Variants in SEMA4G observed in about 807,000 individuals in gnomAD.
The protein encoded by SEMA4G is semaphorin-4G.
Under a neutral mutation model 81.2 loss-of-function variants are expected in SEMA4G, and 59 were observed. That is an observed-to-expected ratio of 0.73 (90% CI 0.59 to 0.90). The LOEUF (loss-of-function observed/expected upper bound fraction) is 0.90. SEMA4G is among the 40% of genes least tolerant of loss of function. The pLI, the probability that SEMA4G is intolerant of heterozygous loss-of-function variation, is 0.00. For synonymous variants in SEMA4G, 404 were observed against 433.9 expected (o/e 0.93, Z 0.86); for missense variants, 952 against 1,102.3 (o/e 0.86, Z 1.93).
intron 3 of SEMA4G, among the ~76,000 whole-genome samples, chr10:100,976,318 A>G (rs945196022): frequency 6.6e-6 from 1 of 151,610 alleles, no homozygotes; most frequent in Admixed American, 6.6e-5. Flanking sequence ...AGCATGTGGG[A>G]CTCTATATTC....
intron 3 of SEMA4G, among the ~76,000 whole-genome samples, chr10:100,975,521 A>G (rs1850747881): frequency 6.6e-6 from 1 of 152,230 alleles, no homozygotes; most frequent in South Asian, 2.1e-4. Flanking sequence ...TGTGGTTTCC[A>G]AAGTTATTTG....
exon 1 of SEMA4G, chr10:100,972,884 G>A (rs746967585): frequency 1.9e-6 from 3 of 1,587,100 alleles, no homozygotes; most frequent in East Asian, 4.5e-5. Flanking sequence ...CCCTTTGGGG[G>A]TCTTGTTAGT....
intron 13 of SEMA4G, 197 bp downstream of exon 14, chr10:100,981,426 A>G (rs751694972): frequency 4.3e-6 from 7 of 1,614,008 alleles, no homozygotes; most frequent in African/African-American, 1.3e-5. Flanking sequence ...ACTAGGAAAC[A>G]TATTTAAGAT....
At chr10:100,970,129 C>T (rs568157745), upstream of SEMA4G, among the ~76,000 whole-genome samples, 81 of 152,222 alleles carry the variant, frequency 5.3e-4, no homozygotes, top group African/African-American at 1.9e-3. Flanking sequence ...GGTCTCTCCT[C>T]CCCAGTTCCC....
At chr10:100,976,671 A>G (rs1419318691) in intron 3 of SEMA4G, among the ~76,000 whole-genome samples, 1 of 152,194 alleles carries the variant, frequency 6.6e-6, no homozygotes, top group African/African-American at 2.4e-5. Context: ...GGAGAGTAGC[A>G]AAAGTGTGTT....
intron 3 of SEMA4G, chr10:100,975,041 A>G (rs553750174): frequency 1.9e-6 from 1 of 534,372 alleles, no homozygotes; most frequent in Admixed American, 1.9e-5. Flanking sequence ...AGGCATCTCC[A>G]AGAGCTTCCA....
exon 14 of SEMA4G, chr10:100,983,365 G>C (rs748889973): frequency 6.2e-7 from 1 of 1,605,768 alleles, no homozygotes; most frequent in Non-Finnish European, 8.5e-7. Flanking sequence ...CTCCTGCCCT[G>C]TGACCAGCCA....
chr10:100,980,836 G>A (rs766932360), exon 12 of SEMA4G: 1 of 1,579,746 alleles, frequency 6.3e-7, no homozygotes, highest in African/African-American at 1.4e-5. Context: ...GCCTCTATGT[G>A]GGGGCTCCTA....
chr10:100,979,906 T>C (rs150824972), exon 9 of SEMA4G: 21 of 1,613,996 alleles, frequency 1.3e-5, no homozygotes, highest in Non-Finnish European at 1.8e-5. Flanking sequence ...CCAGGCTGTC[T>C]TTGCAGGACC....
At chr10:100,969,936 C>A (rs546962715), upstream of SEMA4G, 874 of 453,282 alleles carry the variant, frequency 1.9e-3, 1 homozygote, top group Non-Finnish European at 3.3e-3. Flanking sequence ...TTAGACCTGA[C>A]GAAGGGAGAG....
rs1014839064 is a variant in SEMA4G at position 100,984,236 on chromosome 10, T to A, written c.*105T>A. On this transcript the variant is annotated 3_prime_UTR_variant, in exon 14 of 14. Coordinates refer to ENST00000370250, the Ensembl canonical transcript of SEMA4G. ...CCCTCCCTTCATTACCCCCACTCCA[T>A]ACCCTTCTCCCAACTTTTTGATGTC... 2.1e-6 allele frequency: 3 copies of A among 1,462,694 alleles called. No individual in the cohort carries two copies. The African/African-American group carries it at 4.3e-5, about 21-fold the overall frequency. 90.6% of individuals were successfully genotyped at this position (1,462,694 alleles called of 1,614,324 possible).
rs1423146487 is a variant in SEMA4G, at chr10:100,973,570, G to C, written c.297G>C (p.Glu99Asp). The change falls in exon 3 of 14, where the codon GAG becomes GAC. Residue 99 changes from glutamate to aspartate, a missense_variant. Around this residue, in one of 3 missense-constraint regions of SEMA4G, gnomAD observed 436 missense variants for 488.2 expected, o/e 0.89. Coordinates refer to ENST00000370250, the Ensembl canonical transcript of SEMA4G. This position sits in a 1 kb window ranked among gnomAD's most constrained non-coding sequence, Gnocchi z 5.5. ...AGATCCACTGGGAAGCCTCCCCAGAGATGCAAAGCAAATGTCATCAAAAAG... is the reference window on the plus strand; with the variant it reads ...AGATCCACTGGGAAGCCTCCCCAGACATGCAAAGCAAATGTCATCAAAAAG... 1.5e-5 allele frequency: 24 copies of C among 1,614,068 alleles called. No homozygotes were observed. The highest frequency in any genetic ancestry group is 1.9e-5 in the Non-Finnish European group (22 of 1,180,048).
At position 100,980,077 on chromosome 10, in the gene SEMA4G, AGGT is replaced by A. The variant is rs760670410; in HGVS notation, c.1129-39_1129-37del. 17 of 1,612,678 alleles carry A rather than the reference AGGT, an allele frequency of 1.1e-5. No homozygotes were observed. The African/African-American group carries it at 2.1e-4, about 20-fold the overall frequency. ...GTCTGGCCTTGTGGAGAGGGCAGGC[AGGT>A]GGTGGAGTCCCGAGGTTCACCACCT... On this transcript the variant is annotated intron_variant, in intron 9 of 13. Transcript: ENST00000370250.
chr10:100,981,640 T>C, intron 13 of SEMA4G: 1 of 1,432,954 alleles, frequency 7.0e-7, no homozygotes, highest in Non-Finnish European at 9.7e-7. Flanking sequence ...CATGATGTCA[T>C]CTACTGTCAC....
chr10:100,975,209 T>C (rs1211497169), intron 3 of SEMA4G: 1 of 353,488 alleles, frequency 2.8e-6, no homozygotes. Context: ...GCTCTAACTT[T>C]AATGTATCAC....
intron 3 of SEMA4G, among the ~76,000 whole-genome samples, chr10:100,977,109 G>T (rs1188739296): frequency 6.6e-6 from 1 of 152,206 alleles, no homozygotes; most frequent in African/African-American, 2.4e-5. Context: ...AGGTGGGAAA[G>T]ACTGGATAAA....
chr10:100,971,647 C>T (rs948861018), upstream of SEMA4G, among the ~76,000 whole-genome samples: 4 of 152,178 alleles, frequency 2.6e-5, no homozygotes, highest in Admixed American at 2.0e-4. Context: ...GGTCTCTCCA[C>T]ACCTCACCCA....
chr10:100,978,123 G>T, intron 4 of SEMA4G, 172 bp from the exon 6 acceptor site: 1 of 600,176 alleles, frequency 1.7e-6, no homozygotes, highest in Non-Finnish European at 3.0e-6. Flanking sequence ...ACATTGTTTT[G>T]AGGCCATAAG....
intron 3 of SEMA4G, 67 bp from the exon 5 acceptor site, chr10:100,977,565 G>A: frequency 7.7e-7 from 1 of 1,299,706 alleles, no homozygotes. Context: ...AAACTACAAA[G>A]CTAGACTAAT....
Sources: allele counts gnomAD v4.1 joint callset (sites outside exome capture counted in the v4.1 genomes callset), GRCh38; gene constraint gnomAD v4.1.1; regional missense constraint gnomAD v4.1.1; non-coding constraint Gnocchi (gnomAD v3.1); transcripts MANE v1.5; gene names NCBI Gene and HGNC (gene_info 2026-07-23, HGNC 2026-07-21).